Variants in ALK observed in about 807,000 individuals in gnomAD.
The protein encoded by ALK is ALK receptor tyrosine kinase.
Under a neutral mutation model 163.1 loss-of-function variants are expected in ALK, and 74 were observed. The ratio of observed to expected loss-of-function variants is 0.45; its 90% confidence interval spans 0.38 to 0.55. The LOEUF (loss-of-function observed/expected upper bound fraction) is 0.55. ALK is among the 20% of genes least tolerant of loss of function. The pLI, the probability that ALK is intolerant of heterozygous loss-of-function variation, is 0.00. For missense variants in ALK, 2,063 were observed against 2,105.3 expected, an observed-to-expected ratio of 0.98 and a Z score of 0.39; for synonymous variants, 960 against 843.2, an observed-to-expected ratio of 1.14 and a Z score of -2.40.
intron 4 of ALK, among the ~76,000 whole-genome samples, chr2:29,479,412 C>T (rs879388611): frequency 7.2e-5 from 11 of 152,212 alleles, no homozygotes; most frequent in African/African-American, 1.2e-4. Context: ...ATTCTTCACC[C>T]GCTTGGTGAT....
intron 11 of ALK, among the ~76,000 whole-genome samples, chr2:29,256,412 TAGTGCTGCG>T (rs1180961841): frequency 1.3e-5 from 2 of 152,226 alleles, no homozygotes; most frequent in South Asian, 4.1e-4. Context: ...TGCAACTTTG[TAGTGCTGCG>T]AGTGGAGTTA....
At chr2:29,883,624 GC>G (rs1666919247) in intron 1 of ALK, among the ~76,000 whole-genome samples, 2 of 152,196 alleles carry the variant, frequency 1.3e-5, no homozygotes, top group Non-Finnish European at 1.5e-5. Context: ...ATACAGAGAA[GC>G]CAACTAACTC....
At position 29,876,196 on chromosome 2, in the gene ALK, T is replaced by A. The variant is rs1381309280; in HGVS notation, c.667+43797A>T. ...GATAATACTCTCAACTGCATACTAT[T>A]GTTGTCAGGATTAAAGGAAATAATA... On this transcript the variant is annotated intron_variant, in intron 1 of 28. Coordinates refer to ENST00000389048, the MANE Select transcript of ALK (RefSeq NM_004304.5). Among the ~76,000 whole-genome samples the A allele has an allele frequency of 2.0e-5, 3 of 152,272 alleles. No homozygotes were observed. In the South Asian group the frequency reaches 6.2e-4, roughly 31 times the overall value.
chr2:29,345,751 C>T (rs1276037541), intron 5 of ALK, among the ~76,000 whole-genome samples: 2 of 152,174 alleles, frequency 1.3e-5, no homozygotes, highest in South Asian at 2.1e-4. Context: ...AATAAAAGCT[C>T]GTACCCCTGT....
chr2:29,225,142 G>A (rs925821734), intron 19 of ALK, among the ~76,000 whole-genome samples: 1 of 152,196 alleles, frequency 6.6e-6, no homozygotes, highest in African/African-American at 2.4e-5. Flanking sequence ...GGAGCTAGAA[G>A]TGACGTCTAG....
chr2:29,857,054 G>C (rs527608997), intron 1 of ALK, among the ~76,000 whole-genome samples: 1 of 152,208 alleles, frequency 6.6e-6, no homozygotes, highest in Non-Finnish European at 1.5e-5. Context: ...GGAAACATCC[G>C]GAGGAGGCGA....
At chr2:29,278,982 G>GA (rs1558650371) in intron 9 of ALK, among the ~76,000 whole-genome samples, 3 of 24,442 alleles carry the variant, frequency 1.2e-4, no homozygotes, top group East Asian at 1.4e-3. Context: ...GTGTGCCTGG[G>GA]GGGGGGGACA....
At chr2:29,630,316 G>T (rs1676326809) in intron 3 of ALK, among the ~76,000 whole-genome samples, 1 of 152,216 alleles carries the variant, frequency 6.6e-6, no homozygotes, top group Non-Finnish European at 1.5e-5. Context: ...ATAGCTAAAA[G>T]GTGACTTTAG....
chr2:29,329,606 G>C (rs1161541606), intron 5 of ALK, among the ~76,000 whole-genome samples: 11 of 152,308 alleles, frequency 7.2e-5, no homozygotes, highest in African/African-American at 1.9e-4. Context: ...ACTTGGCTAA[G>C]TCCCCCAGCC....
intron 3 of ALK, among the ~76,000 whole-genome samples, chr2:29,658,287 C>G (rs541418725): frequency 5.9e-5 from 9 of 152,278 alleles, no homozygotes; most frequent in African/African-American, 2.2e-4. Context: ...AGGGCCTCCT[C>G]TCTCACTGAT....
chr2:29,710,621 T>C (rs999153915), intron 2 of ALK, among the ~76,000 whole-genome samples: 14 of 152,022 alleles, frequency 9.2e-5, no homozygotes, highest in African/African-American at 3.4e-4. Flanking sequence ...GTTCAAACGA[T>C]TCTCCTACCT....
chr2:29,796,775 G>A (rs1207637902), intron 1 of ALK, among the ~76,000 whole-genome samples: 2 of 152,036 alleles, frequency 1.3e-5, no homozygotes, highest in Non-Finnish European at 2.9e-5. Context: ...AAGAAGCTCC[G>A]GTGTGGGGTG....
chr2:29,397,781 G>A (rs192730975), intron 4 of ALK, among the ~76,000 whole-genome samples: 42 of 152,268 alleles, frequency 2.8e-4, no homozygotes, highest in African/African-American at 9.9e-4. Flanking sequence ...AGGCCCCTCT[G>A]TAGAATGATA....
intron 4 of ALK, among the ~76,000 whole-genome samples, chr2:29,431,432 A>G (rs1461804665): frequency 6.6e-6 from 1 of 152,204 alleles, no homozygotes; most frequent in Admixed American, 6.5e-5. Context: ...TTTAGCTAAA[A>G]TTAAGTCCCA....
intron 1 of ALK, among the ~76,000 whole-genome samples, chr2:29,828,244 G>C (rs1426614844): frequency 1.3e-5 from 2 of 152,140 alleles, no homozygotes; most frequent in East Asian, 3.8e-4. Flanking sequence ...TACCATTCAG[G>C]ACATAGGCAT....
chr2:29,389,910 C>T (rs987627870), intron 4 of ALK, among the ~76,000 whole-genome samples: 1 of 152,082 alleles, frequency 6.6e-6, no homozygotes, highest in African/African-American at 2.4e-5. Flanking sequence ...CTGGAGGATA[C>T]CTGAGTTCTC....
intron 1 of ALK, among the ~76,000 whole-genome samples, chr2:29,846,485 C>CT (rs1279425355): frequency 6.6e-6 from 1 of 152,220 alleles, no homozygotes; most frequent in Non-Finnish European, 1.5e-5. Flanking sequence ...TGATCCTTGT[C>CT]TAGAGCCTGG....
At chr2:29,680,698 A>G (rs1678038509) in intron 3 of ALK, among the ~76,000 whole-genome samples, 2 of 152,254 alleles carry the variant, frequency 1.3e-5, no homozygotes, top group South Asian at 4.1e-4. Context: ...AGTTGAGGAC[A>G]TTCAGAAAGT....
At chr2:29,894,850 ACAAAC>A (rs1667229019) in intron 1 of ALK, among the ~76,000 whole-genome samples, 1 of 141,030 alleles carries the variant, frequency 7.1e-6, no homozygotes, top group African/African-American at 2.7e-5. Context: ...ACACACACAC[ACAAAC>A]ACACACACAC....
Sources: allele counts gnomAD v4.1 joint callset (sites outside exome capture counted in the v4.1 genomes callset), GRCh38; gene constraint gnomAD v4.1.1; transcripts MANE v1.5; gene names NCBI Gene and HGNC (gene_info 2026-07-23, HGNC 2026-07-21).